Variants in KCNJ16 observed in about 807,000 individuals in gnomAD.
KCNJ16 encodes the protein inward rectifier potassium channel 16.
KCNJ16 carries 15 observed loss-of-function variants against 18.5 expected under a neutral mutation model. The observed-to-expected ratio is 0.81, with a 90% CI of 0.54 to 1.25. The LOEUF is 1.25. KCNJ16 is among the 50% of genes most tolerant of loss of function. The pLI is 0.00. For missense variants in KCNJ16, 523 were observed against 525.7 expected, an observed-to-expected ratio of 0.99 and a Z score of 0.05; for synonymous variants, 174 against 186.5, an observed-to-expected ratio of 0.93 and a Z score of 0.55.
chr17:70,094,516 AT>A (rs1185213727), intron 1 of KCNJ16, among the ~76,000 whole-genome samples: 1 of 152,184 alleles, frequency 6.6e-6, no homozygotes, highest in African/African-American at 2.4e-5. Flanking sequence ...AAAAGTATGT[AT>A]TTTATCTACA....
chr17:70,132,082 C>G lies in KCNJ16; in HGVS notation c.-6C>G, dbSNP rs1312850537. On this transcript the variant is annotated 5_prime_UTR_variant, in exon 4 of 4. Transcript: ENST00000392671. ...CTCACCTGGATCCCTAAGGGCACAG[C>G]AAAGAATGAGCTATTACGGCAGCAG... The G allele has an allele frequency of 6.2e-7, 1 of 1,614,076 alleles. No individual in the cohort carries two copies. Among genetic ancestry groups the G allele is most frequent in the Non-Finnish European group, 8.5e-7 (1 of 1,180,018 alleles).
intron 2 of KCNJ16, among the ~76,000 whole-genome samples, chr17:70,121,994 A>T (rs1341722739): frequency 6.6e-6 from 1 of 151,996 alleles, no homozygotes; most frequent in Non-Finnish European, 1.5e-5. Flanking sequence ...GACGTGTAGG[A>T]AGGGCAAAAA....
intron 1 of KCNJ16, among the ~76,000 whole-genome samples, chr17:70,092,648 C>A (rs1372817061): frequency 2.6e-5 from 4 of 152,008 alleles, no homozygotes; most frequent in African/African-American, 9.7e-5. Context: ...TTCAATTATG[C>A]AGGCTAAGAA....
At chr17:70,130,367 C>G (rs2074013709) in intron 2 of KCNJ16, among the ~76,000 whole-genome samples, 1 of 152,130 alleles carries the variant, frequency 6.6e-6, no homozygotes, top group Admixed American at 6.6e-5. Flanking sequence ...TTGGATCCCC[C>G]CAAATTGGGT....
chr17:70,131,313 G>A lies in KCNJ16; in HGVS notation c.-94+338G>A, dbSNP rs2144287882. The A allele has an allele frequency of 2.6e-6, 3 of 1,149,902 alleles. No individual in the cohort carries two copies. The South Asian group carries it at 9.5e-5, about 36-fold the overall frequency. The allele number at this position is 1,149,902 out of a possible 1,614,324, so 71.2% of individuals were successfully genotyped here. A position where few individuals can be genotyped will look rare whatever the true frequency, so the allele number is the denominator to read the frequency against. Reference sequence around the variant, plus strand: ...ACCTGGGAGTAGTTTTAGGTCCACTGAGGTTAAGAAAGATGCATTTTTTTT... The same window carrying A: ...ACCTGGGAGTAGTTTTAGGTCCACTAAGGTTAAGAAAGATGCATTTTTTTT... On this transcript the variant is annotated intron_variant, in intron 3 of 3. Coordinates refer to ENST00000392671, the MANE Select transcript of KCNJ16 (RefSeq NM_170741.4).
chr17:70,078,178 C>G (rs2886631), intron 1 of KCNJ16, among the ~76,000 whole-genome samples: 112,985 of 152,058 alleles, frequency 0.74, 42,273 homozygotes, highest in East Asian at 0.99. Context: ...CAAAACATAA[C>G]ATTCTAATAG....
At chr17:70,104,672 T>C (rs2072828308) in intron 2 of KCNJ16, among the ~76,000 whole-genome samples, 1 of 152,204 alleles carries the variant, frequency 6.6e-6, no homozygotes, top group African/African-American at 2.4e-5. Context: ...TTTTGTGATA[T>C]GGAAAGATTT....
In KCNJ16 at chr17:70,132,430, G is replaced by A. The variant is rs761312168; in HGVS notation, c.343G>A (p.Val115Ile). ...AGACATCACACCTTGTGTTGACAAC[G>A]TCCATTCTTTCACAGGGGCCTTTTT... ...DPDITPCVDN[V>I]HSFTGAFLFS... The change falls in exon 4 of 4, where the codon GTC becomes ATC. Residue 115 changes from valine to isoleucine, a missense_variant. Val to Ile is a conservative substitution (Grantham distance 29, BLOSUM62 3). Coordinates refer to ENST00000392671, the MANE Select transcript of KCNJ16 (RefSeq NM_170741.4). 2.2e-5 allele frequency: 36 copies of A among 1,613,954 alleles called. No homozygotes were observed. The highest frequency in any genetic ancestry group is 2.7e-5 in the African/African-American group (2 of 74,882).
At chr17:70,126,447 A>G (rs2073858958) in intron 2 of KCNJ16, among the ~76,000 whole-genome samples, 2 of 152,246 alleles carry the variant, frequency 1.3e-5, no homozygotes, top group South Asian at 2.1e-4. Flanking sequence ...GATTCAAACA[A>G]TAATTATTGA....
At chr17:70,092,489 A>AATAGATAGATAG (rs56383039) in intron 1 of KCNJ16, among the ~76,000 whole-genome samples, 3,010 of 89,884 alleles carry the variant, frequency 0.033, 58 homozygotes, top group African/African-American at 0.064. Context: ...AAACAGAACC[A>AATAGATAGATAG]ATAGATAGAT....
intron 2 of KCNJ16, 101 bp from the exon 3 acceptor site, chr17:70,130,778 A>G: frequency 1.6e-6 from 1 of 614,798 alleles, no homozygotes; most frequent in South Asian, 2.0e-5. Flanking sequence ...TAATCCCTTC[A>G]TCCCATCTAG....
At chr17:70,122,895 A>G (rs1423854020) in intron 2 of KCNJ16, among the ~76,000 whole-genome samples, 1 of 152,150 alleles carries the variant, frequency 6.6e-6, no homozygotes, top group East Asian at 1.9e-4. Flanking sequence ...GAAGGGTGAG[A>G]AAGCACTGTA....
chr17:70,075,751 C>T (rs974619309), intron 1 of KCNJ16, among the ~76,000 whole-genome samples: 7 of 152,072 alleles, frequency 4.6e-5, no homozygotes, highest in African/African-American at 1.7e-4. Context: ...TTTTTGCATC[C>T]TGTATGCACT....
At chr17:70,103,714 A>G (rs1039016892) in intron 2 of KCNJ16, among the ~76,000 whole-genome samples, 3 of 151,954 alleles carry the variant, frequency 2.0e-5, no homozygotes, top group East Asian at 3.9e-4. Flanking sequence ...TTCCAATCTT[A>G]TATTTCCATT....
intron 2 of KCNJ16, chr17:70,102,269 C>T (rs899012914): frequency 7.8e-6 from 1 of 128,824 alleles, no homozygotes; most frequent in Non-Finnish European, 1.6e-5. Context: ...TCTCTGTTGC[C>T]CAGGCTGGAG....
At chr17:70,131,157 G>A (rs2074042069) in intron 3 of KCNJ16, among the ~76,000 whole-genome samples, 182 bp downstream of exon 3, 1 of 145,006 alleles carries the variant, frequency 6.9e-6, no homozygotes, top group Admixed American at 7.1e-5. Context: ...AAATTTTTGG[G>A]ACTCTATTCA....
chr17:70,075,778 C>T (rs1435142496), intron 1 of KCNJ16, among the ~76,000 whole-genome samples: 2 of 152,000 alleles, frequency 1.3e-5, no homozygotes, highest in African/African-American at 4.8e-5. Flanking sequence ...CATATAATTG[C>T]AAATATTGAA....
In KCNJ16 at chr17:70,130,873, G is replaced by T; in HGVS notation, c.-190-6G>T. On this transcript the variant is annotated splice_region_variant and splice_polypyrimidine_tract_variant and intron_variant, in intron 2 of 3. Coordinates refer to ENST00000392671, the MANE Select transcript of KCNJ16 (RefSeq NM_170741.4). Reference sequence around the variant, plus strand: ...CAATACTTTTATTTTTGTTTGTTTTGCACAGGAGTAACTCAAGATGATTTT... The same window carrying T: ...CAATACTTTTATTTTTGTTTGTTTTTCACAGGAGTAACTCAAGATGATTTT... 5 of 1,154,054 alleles carry T rather than the reference G, an allele frequency of 4.3e-6. No individual in the cohort carries two copies. Among genetic ancestry groups the T allele is most frequent in the Non-Finnish European group, 6.3e-6 (5 of 799,538 alleles). 71.5% of individuals were successfully genotyped at this position (1,154,054 alleles called of 1,614,324 possible).
intron 2 of KCNJ16, chr17:70,108,251 A>C (rs1362038456): frequency 6.6e-6 from 1 of 152,202 alleles, no homozygotes; most frequent in Non-Finnish European, 1.5e-5. Flanking sequence ...ATGCGAGTAT[A>C]TATCACCTTT....
Sources: allele counts gnomAD v4.1 joint callset (sites outside exome capture counted in the v4.1 genomes callset), GRCh38; gene constraint gnomAD v4.1.1; transcripts MANE v1.5; gene names NCBI Gene and HGNC (gene_info 2026-07-23, HGNC 2026-07-21).